The following KHDRBS3 variants were observed in gnomAD, a reference collection of about 807,000 sequenced individuals.
KHDRBS3 encodes the protein KH domain-containing, RNA-binding, signal transduction-associated protein 3.
A neutral mutation model predicts 45.6 loss-of-function variants in KHDRBS3; 23 were observed. The observed-to-expected ratio is 0.50, with a 90% confidence interval of 0.36 to 0.72. The LOEUF (loss-of-function observed/expected upper bound fraction) is 0.72. KHDRBS3 is among the 30% of genes least tolerant of loss of function. KHDRBS3 has a pLI of 0.00. For missense variants in KHDRBS3, 352 were observed against 424.8 expected (o/e 0.83, Z 1.51); for synonymous variants, 162 against 156.5 (o/e 1.04, Z -0.26).
intron 1 of KHDRBS3, among the ~76,000 whole-genome samples, chr8:135,477,385 A>G (rs567728133): frequency 2.6e-5 from 4 of 152,320 alleles, no homozygotes; most frequent in Admixed American, 1.3e-4. Context: ...CATATTCAAC[A>G]TGGTCACTTG....
chr8:135,560,445 G>A (rs1213696397), intron 5 of KHDRBS3, among the ~76,000 whole-genome samples: 1 of 152,060 alleles, frequency 6.6e-6, no homozygotes, highest in African/African-American at 2.4e-5. Flanking sequence ...AGCACAGAAT[G>A]AATATCCCCT....
chr8:135,575,294 C>A (rs1354622386), intron 5 of KHDRBS3, among the ~76,000 whole-genome samples: 1 of 152,162 alleles, frequency 6.6e-6, no homozygotes, highest in African/African-American at 2.4e-5. Flanking sequence ...TTCTCCTGCC[C>A]CACTTAAAAC....
chr8:135,590,291 T>G (rs1022640114), intron 6 of KHDRBS3, among the ~76,000 whole-genome samples: 5 of 152,234 alleles, frequency 3.3e-5, no homozygotes, highest in African/African-American at 1.2e-4. Context: ...CTGTCCTATA[T>G]GTGGTCCATA....
chr8:135,515,365 T>TAAAAAAAAAAAAAAAAAAA (rs59502823), intron 1 of KHDRBS3, among the ~76,000 whole-genome samples: 14 of 39,742 alleles, frequency 3.5e-4, no homozygotes, highest in East Asian at 6.1e-4. Flanking sequence ...GACTCCGTCT[T>TAAAAAAAAAAAAAAAAAAA]AAAAAAAAAA....
intron 1 of KHDRBS3, among the ~76,000 whole-genome samples, chr8:135,512,988 G>T (rs9644457): frequency 6.6e-6 from 1 of 151,414 alleles, no homozygotes; most frequent in South Asian, 2.1e-4. Context: ...CGAGGCGGGC[G>T]GATGACAAGG....
At chr8:135,579,331 T>C (rs979525145) in intron 5 of KHDRBS3, among the ~76,000 whole-genome samples, 4 of 152,172 alleles carry the variant, frequency 2.6e-5, no homozygotes, top group African/African-American at 9.7e-5. Context: ...AGGTTTGCTG[T>C]ACATGTTCTT....
At chr8:135,491,789 T>C (rs745530136) in intron 1 of KHDRBS3, among the ~76,000 whole-genome samples, 8 of 152,186 alleles carry the variant, frequency 5.3e-5, no homozygotes, top group Non-Finnish European at 1.2e-4. Context: ...TTTTTTACTA[T>C]GTTAACATTT....
intron 5 of KHDRBS3, among the ~76,000 whole-genome samples, chr8:135,560,417 AC>A (rs1262697733): frequency 6.6e-6 from 1 of 152,140 alleles, no homozygotes; most frequent in African/African-American, 2.4e-5. Flanking sequence ...TTACTCTTAC[AC>A]CTTTTTGCAG....
rs74618562 is a variant in KHDRBS3 at position 135,559,657 on chromosome 8, G to C, written c.611+2070G>C. Among the ~76,000 whole-genome samples, 41 of 152,148 alleles carry C rather than the reference G, an allele frequency of 2.7e-4. 1 individual carries two copies. The East Asian group carries it at 6.0e-3, about 22-fold the overall frequency. ...ATTACAGGCGTGAGCCACCATGCCC[G>C]GCCAACAAAATATATTTTAAAAACT... is the stretch of plus-strand genomic sequence containing the variant. On this transcript the variant is annotated intron_variant, in intron 5 of 8. Transcript: ENST00000355849.
intron 7 of KHDRBS3, among the ~76,000 whole-genome samples, chr8:135,621,996 G>A (rs765615938): frequency 6.6e-6 from 1 of 152,048 alleles, no homozygotes; most frequent in African/African-American, 2.4e-5. Context: ...CCGGAGCCTG[G>A]CTGTTGCTTG....
intron 1 of KHDRBS3, among the ~76,000 whole-genome samples, chr8:135,495,631 TTA>T (rs753128719): frequency 1.3e-5 from 2 of 152,226 alleles, no homozygotes; most frequent in African/African-American, 4.8e-5. Flanking sequence ...CTTATTTCAC[TTA>T]TCATATTCCA....
chr8:135,550,011 G>A (rs1465713701), intron 4 of KHDRBS3: 2 of 152,180 alleles, frequency 1.3e-5, no homozygotes, highest in Admixed American at 6.5e-5. Context: ...GTGGTAGGCA[G>A]ATGTGAACTA....
rs1166836685 is a variant in KHDRBS3 at position 135,542,520 on chromosome 8, A to T, written c.208-134A>T. On this transcript the variant is annotated intron_variant, in intron 2 of 8. Transcript: ENST00000355849. Reference sequence around the variant, plus strand: ...GGTGTGTGGGAAACATCATATTTTAATGCATGTAGCAGGAGCTTAAATATT... The same window carrying T: ...GGTGTGTGGGAAACATCATATTTTATTGCATGTAGCAGGAGCTTAAATATT... 4 of 616,070 alleles carry T rather than the reference A, an allele frequency of 6.5e-6. No homozygotes were observed. The East Asian group carries it at 1.1e-4, about 16-fold the overall frequency. 38.2% of individuals were successfully genotyped at this position (616,070 alleles called of 1,614,324 possible).
At chr8:135,606,624 T>G (rs1164500906) in intron 6 of KHDRBS3, among the ~76,000 whole-genome samples, 2 of 152,088 alleles carry the variant, frequency 1.3e-5, no homozygotes, top group African/African-American at 4.8e-5. Flanking sequence ...TAAGACAAGT[T>G]AGAATAGCGC....
chr8:135,624,199 A>G (rs1830264297), intron 7 of KHDRBS3, among the ~76,000 whole-genome samples: 1 of 152,222 alleles, frequency 6.6e-6, no homozygotes, highest in Admixed American at 6.5e-5. Context: ...AGGTCCAGAA[A>G]GAATTGCAGC....
At chr8:135,484,007 CTT>C (rs1195085686) in intron 1 of KHDRBS3, among the ~76,000 whole-genome samples, 3 of 152,090 alleles carry the variant, frequency 2.0e-5, no homozygotes, top group African/African-American at 7.2e-5. Context: ...TTGGGTCTGT[CTT>C]ATCCCTGTGG....
In KHDRBS3 at chr8:135,581,846, A is replaced by G. The variant is rs777350238; in HGVS notation, c.612-32A>G. ...ATAACAGAATGTTAGAGACTATGATAGATACTGCTAATTTGACTCTCTTGG... is the reference window on the plus strand; with the variant it reads ...ATAACAGAATGTTAGAGACTATGATGGATACTGCTAATTTGACTCTCTTGG... On this transcript the variant is annotated intron_variant, in intron 5 of 8. Transcript: ENST00000355849. The G allele has an allele frequency of 3.4e-6, 5 of 1,478,534 alleles. No individual in the cohort carries two copies. The Admixed American group carries it at 9.8e-5, about 29-fold the overall frequency. The allele number at this position is 1,478,534 out of a possible 1,614,324, so 91.6% of individuals were successfully genotyped here.
chr8:135,533,949 A>G (rs116602786), intron 2 of KHDRBS3, among the ~76,000 whole-genome samples: 1,618 of 152,306 alleles, frequency 0.011, 27 homozygotes, highest in African/African-American at 0.037. Context: ...TTGAACTGAA[A>G]TTGAAAAACC....
intron 1 of KHDRBS3, among the ~76,000 whole-genome samples, chr8:135,489,782 A>G (rs886537089): frequency 1.3e-5 from 2 of 152,212 alleles, no homozygotes; most frequent in African/African-American, 4.8e-5. Context: ...TATTTATTGA[A>G]GAAAAAATAT....
Sources: gnomAD v4.1 joint callset for allele counts (sites outside exome capture counted in the v4.1 genomes callset) on GRCh38, gnomAD v4.1.1 for gene constraint, MANE v1.5 for transcripts, NCBI Gene and HGNC (gene_info 2026-07-23, HGNC 2026-07-21) for gene names.